GLI3: variants seen among roughly 807,000 people sequenced by gnomAD.
GLI3 encodes the protein GLI family zinc finger 3.
Under a neutral mutation model 100.8 loss-of-function variants are expected in GLI3, and 20 were observed. That is an observed-to-expected ratio of 0.20 (90% CI 0.14 to 0.29). GLI3 has a LOEUF of 0.29. GLI3 is among the 10% of genes least tolerant of loss of function. GLI3 has a pLI of 1.00. For synonymous variants in GLI3, 938 were observed against 860.5 expected (o/e 1.09, Z -1.58); for missense variants, 2,040 against 2,128.5 (o/e 0.96, Z 0.82).
chr7:42,202,077 T>C (rs1788050889), intron 2 of GLI3, among the ~76,000 whole-genome samples: 1 of 99,180 alleles, frequency 1.0e-5, no homozygotes, highest in Non-Finnish European at 2.0e-5. Context: ...CAAGACTCCG[T>C]CTCAAAAAAA....
intron 3 of GLI3, among the ~76,000 whole-genome samples, chr7:42,115,814 G>A (rs1307658973): frequency 6.6e-6 from 1 of 152,126 alleles, no homozygotes; most frequent in Non-Finnish European, 1.5e-5. Context: ...TCTGAGAGTG[G>A]GAAGGAGTTG....
At position 41,964,310 on chromosome 7, in the gene GLI3, C is replaced by T. The variant is rs772787016; in HGVS notation, c.*20G>A. Reference sequence around the variant, plus strand: ...AACTCCTATTGATTTCCGTTGGTTGCAGTCTTTTTTTCCTAAAGCCTATTG... The same window carrying T: ...AACTCCTATTGATTTCCGTTGGTTGTAGTCTTTTTTTCCTAAAGCCTATTG... On this transcript the variant is annotated 3_prime_UTR_variant, in exon 15 of 15. Coordinates refer to ENST00000395925, the MANE Select transcript of GLI3 (RefSeq NM_000168.6). 3.7e-6 allele frequency: 6 copies of T among 1,609,894 alleles called. No homozygotes were observed. The highest frequency in any genetic ancestry group is 5.1e-6 in the Non-Finnish European group (6 of 1,176,312).
rs116552369 is a variant in GLI3 at position 42,172,879 on chromosome 7, C to T, written c.125-24411G>A. Among the ~76,000 whole-genome samples, 1,063 of 152,342 alleles carry T rather than the reference C, an allele frequency of 7.0e-3. 15 individuals are homozygous for T. The highest frequency in any genetic ancestry group is 0.024 in the African/African-American group (1,016 of 41,578). On this transcript the variant is annotated intron_variant, in intron 2 of 14. Transcript: ENST00000395925. ...CTTGCAAATTATGAAGATTATTCCA[C>T]ATTTTACAATTATGAAAACAGACTT...
intron 1 of GLI3, among the ~76,000 whole-genome samples, chr7:42,258,810 G>A (rs1193908254): frequency 2.0e-5 from 3 of 152,090 alleles, no homozygotes; most frequent in African/African-American, 4.8e-5. Flanking sequence ...CCCAACAAAG[G>A]CACTACTTCT....
At chr7:42,146,311 T>C (rs1343261182) in intron 3 of GLI3, among the ~76,000 whole-genome samples, 1 of 152,134 alleles carries the variant, frequency 6.6e-6, no homozygotes, top group African/African-American at 2.4e-5. Flanking sequence ...TAATAGGACA[T>C]TGGAGGTCCA....
intron 5 of GLI3, among the ~76,000 whole-genome samples, chr7:42,046,037 A>T (rs956903328): frequency 6.6e-6 from 1 of 152,228 alleles, no homozygotes; most frequent in Non-Finnish European, 1.5e-5. Context: ...CTTTAATAAC[A>T]CAACTGAATG....
intron 3 of GLI3, among the ~76,000 whole-genome samples, chr7:42,095,083 G>A (rs1388635483): frequency 6.6e-6 from 1 of 152,176 alleles, no homozygotes. Flanking sequence ...CCTGCTCGGG[G>A]GCAAGGGCGT....
chr7:42,235,004 G>A (rs1002253599), intron 1 of GLI3, among the ~76,000 whole-genome samples: 11 of 152,162 alleles, frequency 7.2e-5, no homozygotes, highest in African/African-American at 2.7e-4. Context: ...AAATTCTTCA[G>A]ATACTTCACA....
intron 1 of GLI3, among the ~76,000 whole-genome samples, chr7:42,226,023 A>C (rs1744296460): frequency 6.6e-6 from 1 of 152,142 alleles, no homozygotes; most frequent in African/African-American, 2.4e-5. Context: ...AGCTACATAC[A>C]TTTTCTTTTC....
intron 2 of GLI3, among the ~76,000 whole-genome samples, chr7:42,179,471 G>A (rs536628170): frequency 6.6e-6 from 1 of 152,140 alleles, no homozygotes; most frequent in African/African-American, 2.4e-5. Flanking sequence ...TTAAGCAGGA[G>A]AGTGACATAA....
intron 10 of GLI3, among the ~76,000 whole-genome samples, chr7:41,991,953 G>C (rs940969365): frequency 7.9e-5 from 12 of 152,202 alleles, no homozygotes; most frequent in African/African-American, 2.4e-4. Context: ...GTGTGCACAT[G>C]CTGGTGAGTG....
intron 3 of GLI3, among the ~76,000 whole-genome samples, chr7:42,081,840 G>A (rs1785002932): frequency 2.0e-5 from 3 of 152,074 alleles, no homozygotes; most frequent in African/African-American, 7.2e-5. Flanking sequence ...AATGATACTT[G>A]AATGGTCTGA....
intron 3 of GLI3, among the ~76,000 whole-genome samples, chr7:42,132,288 G>A (rs1262888755): frequency 1.4e-5 from 2 of 145,040 alleles, no homozygotes; most frequent in Middle Eastern, 7.2e-3. Flanking sequence ...TTTTAGTAGA[G>A]ATGGGGTTTC....
At chr7:42,212,194 T>G in intron 2 of GLI3, among the ~76,000 whole-genome samples, 1 of 152,208 alleles carries the variant, frequency 6.6e-6, no homozygotes, top group East Asian at 1.9e-4. Context: ...GTTTTTATTT[T>G]TAAAGATAAA....
At position 42,139,933 on chromosome 7, in the gene GLI3, C is replaced by T. The variant is rs189818510; in HGVS notation, c.367+8293G>A. Among the ~76,000 whole-genome samples, 158 of 152,302 alleles carry T rather than the reference C, an allele frequency of 1.0e-3. 3 individuals carry two copies. Among genetic ancestry groups the T allele is most frequent in the Admixed American group, 0.01 (158 of 15,300 alleles). ...AACAAGTCTTAGTAATCACCCCAGA[C>T]TCTTGCAGGAGAGAAACAAACAGCT... On this transcript the variant is annotated intron_variant, in intron 3 of 14. Coordinates refer to ENST00000395925, the MANE Select transcript of GLI3 (RefSeq NM_000168.6).
chr7:42,019,433 G>A (rs1452631441), intron 10 of GLI3, among the ~76,000 whole-genome samples: 2 of 152,162 alleles, frequency 1.3e-5, no homozygotes, highest in East Asian at 3.9e-4. Context: ...AAACATGAGG[G>A]AAATGGATCT....
chr7:42,119,923 A>G lies in GLI3; in HGVS notation c.367+28303T>C, dbSNP rs1333876473. Among the ~76,000 whole-genome samples the G allele has an allele frequency of 2.6e-5, 4 of 152,122 alleles. No individual in the cohort carries two copies. The South Asian group carries it at 8.3e-4, about 32-fold the overall frequency. On this transcript the variant is annotated intron_variant, in intron 3 of 14. Transcript: ENST00000395925. The stretch of plus-strand genomic sequence containing the variant: ...ACTTGACAGCCCAAAACTCCCGGGG[A>G]TGTGTTCCAGATGAATCGAGTCATC...
chr7:42,204,031 C>T (rs1304200327), intron 2 of GLI3, among the ~76,000 whole-genome samples: 1 of 152,058 alleles, frequency 6.6e-6, no homozygotes, highest in Non-Finnish European at 1.5e-5. Flanking sequence ...GCCTCCTGAT[C>T]ACATTCATTC....
chr7:41,989,448 C>G (rs1188018940), intron 10 of GLI3, among the ~76,000 whole-genome samples: 2 of 152,060 alleles, frequency 1.3e-5, no homozygotes, highest in African/African-American at 4.8e-5. Flanking sequence ...AATAGAAAGG[C>G]CAGAGGAGCT....
Sources: gnomAD v4.1 joint callset for allele counts (sites outside exome capture counted in the v4.1 genomes callset) on GRCh38, gnomAD v4.1.1 for gene constraint, MANE v1.5 for transcripts, NCBI Gene and HGNC (gene_info 2026-07-23, HGNC 2026-07-21) for gene names.